Variants in CCSER1 observed in about 807,000 individuals in gnomAD.
CCSER1 encodes the protein coiled-coil serine rich protein 1, also known as serine-rich coiled-coil domain-containing protein 1.
A neutral mutation model predicts 82.0 loss-of-function variants in CCSER1; 41 were observed. That is an observed-to-expected ratio of 0.50 (90% CI 0.39 to 0.65). The LOEUF (loss-of-function observed/expected upper bound fraction) is 0.65. Ranked by LOEUF, CCSER1 falls within the 30% of genes least tolerant of loss-of-function variation. The pLI is 0.00. For missense variants in CCSER1, 1,119 were observed against 1,064.2 expected (o/e 1.05, Z -0.72); for synonymous variants, 414 against 383.9 (o/e 1.08, Z -0.92).
intron 5 of CCSER1, among the ~76,000 whole-genome samples, chr4:90,577,681 C>A (rs1235409030): frequency 6.6e-6 from 1 of 151,876 alleles, no homozygotes; most frequent in African/African-American, 2.4e-5. Flanking sequence ...TCCAAAAGTT[C>A]CAATATTACT....
At chr4:90,630,039 G>A (rs1487698303) in intron 6 of CCSER1, among the ~76,000 whole-genome samples, 1 of 152,142 alleles carries the variant, frequency 6.6e-6, no homozygotes, top group Non-Finnish European at 1.5e-5. Flanking sequence ...GAGTATTTAT[G>A]CCTCAGAAAT....
chr4:91,163,401 T>G (rs957974155), intron 10 of CCSER1, among the ~76,000 whole-genome samples: 1 of 152,000 alleles, frequency 6.6e-6, no homozygotes, highest in Non-Finnish European at 1.5e-5. Flanking sequence ...CAAGAATGTA[T>G]ATTCTGTTGA....
At chr4:90,142,949 T>A (rs148628868) in intron 1 of CCSER1, among the ~76,000 whole-genome samples, 4 of 152,200 alleles carry the variant, frequency 2.6e-5, no homozygotes, top group African/African-American at 7.2e-5. Context: ...ATAACACATA[T>A]ATTGCAATAG....
chr4:91,550,482 A>G (rs887442736), intron 10 of CCSER1, among the ~76,000 whole-genome samples: 2 of 152,248 alleles, frequency 1.3e-5, no homozygotes, highest in East Asian at 1.9e-4. Context: ...TCAAATTTGG[A>G]GAATGCGATT....
At chr4:91,521,072 C>T (rs2110140417) in intron 10 of CCSER1, among the ~76,000 whole-genome samples, 1 of 152,160 alleles carries the variant, frequency 6.6e-6, no homozygotes, top group African/African-American at 2.4e-5. Flanking sequence ...GTGTGATGTT[C>T]CCCGCAATGT....
chr4:90,998,879 C>G (rs1737746525), intron 9 of CCSER1, among the ~76,000 whole-genome samples: 1 of 151,972 alleles, frequency 6.6e-6, no homozygotes, highest in Non-Finnish European at 1.5e-5. Flanking sequence ...ACTCTTGCCT[C>G]CCTCCCTCCC....
chr4:90,441,937 C>T (rs1759946756), intron 4 of CCSER1, among the ~76,000 whole-genome samples: 1 of 152,200 alleles, frequency 6.6e-6, no homozygotes, highest in South Asian at 2.1e-4. Context: ...TCCTGTATGA[C>T]TGTTATTTAA....
intron 10 of CCSER1, among the ~76,000 whole-genome samples, chr4:91,378,561 T>G (rs1156802409): frequency 1.3e-5 from 2 of 152,232 alleles, no homozygotes; most frequent in African/African-American, 4.8e-5. Context: ...TGTCTGTTAT[T>G]GGTGTATAAG....
intron 8 of CCSER1, among the ~76,000 whole-genome samples, chr4:90,921,230 A>G (rs1728334724): frequency 1.3e-5 from 2 of 151,960 alleles, no homozygotes; most frequent in African/African-American, 2.4e-5. Flanking sequence ...TTAATCTTCT[A>G]AGTGTATGTG....
intron 10 of CCSER1, among the ~76,000 whole-genome samples, chr4:91,193,571 C>T (rs1340382586): frequency 6.6e-6 from 1 of 152,060 alleles, no homozygotes; most frequent in African/African-American, 2.4e-5. Context: ...CTGTAAAGTA[C>T]AAAAATACTA....
At chr4:91,462,436 G>C (rs781617081) in intron 10 of CCSER1, among the ~76,000 whole-genome samples, 2 of 152,050 alleles carry the variant, frequency 1.3e-5, no homozygotes, top group Non-Finnish European at 2.9e-5. Flanking sequence ...CGTCAGCCAC[G>C]CAGAAGATGG....
At chr4:90,577,983 G>A (rs1016314382) in intron 5 of CCSER1, among the ~76,000 whole-genome samples, 2 of 151,908 alleles carry the variant, frequency 1.3e-5, no homozygotes, top group Non-Finnish European at 1.5e-5. Flanking sequence ...TATTTAATCC[G>A]ATTGGGAAGT....
intron 10 of CCSER1, among the ~76,000 whole-genome samples, chr4:91,300,838 A>C (rs12641796): frequency 0.3 from 45,093 of 151,662 alleles, 6,787 homozygotes; most frequent in East Asian, 0.36. Flanking sequence ...GGTTAGCATT[A>C]AGCCTCTTTG....
chr4:90,493,625 A>C (rs1768458939), intron 5 of CCSER1, among the ~76,000 whole-genome samples: 1 of 152,174 alleles, frequency 6.6e-6, no homozygotes, highest in South Asian at 2.1e-4. Context: ...TCTTAAAGAA[A>C]AAATAATTTT....
intron 7 of CCSER1, among the ~76,000 whole-genome samples, chr4:90,799,780 G>A (rs751342342): frequency 3.3e-5 from 5 of 152,112 alleles, no homozygotes; most frequent in Non-Finnish European, 7.4e-5. Flanking sequence ...AAAACCTCTG[G>A]ACTCCACATC....
chr4:91,174,952 C>A (rs941819790), intron 10 of CCSER1, among the ~76,000 whole-genome samples: 2 of 151,984 alleles, frequency 1.3e-5, no homozygotes, highest in African/African-American at 4.8e-5. Context: ...AGGTATATCT[C>A]CTAATGCTAT....
At chr4:91,100,740 A>G (rs1005841366) in intron 10 of CCSER1, among the ~76,000 whole-genome samples, 9 of 152,274 alleles carry the variant, frequency 5.9e-5, no homozygotes, top group South Asian at 2.1e-4. Flanking sequence ...TTCACATCCT[A>G]TATATGTTCT....
At chr4:90,797,542 A>G (rs1756208783) in intron 7 of CCSER1, among the ~76,000 whole-genome samples, 1 of 152,014 alleles carries the variant, frequency 6.6e-6, no homozygotes, top group Non-Finnish European at 1.5e-5. Context: ...TTATTTTGCT[A>G]CTTGTTTATG....
chr4:90,721,466 A>G (rs1742670083), intron 6 of CCSER1, among the ~76,000 whole-genome samples: 3 of 152,036 alleles, frequency 2.0e-5, no homozygotes, highest in East Asian at 3.9e-4. Context: ...TCACTTTCAC[A>G]TTATTATGAA....
Sources: allele counts gnomAD v4.1 joint callset (sites outside exome capture counted in the v4.1 genomes callset), GRCh38; gene constraint gnomAD v4.1.1; transcripts MANE v1.5; gene names NCBI Gene and HGNC (gene_info 2026-07-23, HGNC 2026-07-21).